PURG: variants seen among roughly 807,000 people sequenced by gnomAD.
PURG encodes the protein purine rich element binding protein G, also known as purine-rich element-binding protein gamma.
A neutral mutation model predicts 24.3 loss-of-function variants in PURG; 3 were observed. The ratio of observed to expected loss-of-function variants is 0.12; its 90% CI spans 0.06 to 0.32. PURG has a LOEUF of 0.32. Among genes scored for constraint, PURG ranks in the 10% least tolerant of loss-of-function variants. PURG has a pLI of 1.00. For missense variants in PURG, 371 were observed against 439.1 expected (o/e 0.84, Z 1.39); for synonymous variants, 180 against 173.1 (o/e 1.04, Z -0.31).
intron 1 of PURG, among the ~76,000 whole-genome samples, chr8:31,020,404 A>G (rs1250611803): frequency 6.6e-6 from 1 of 152,244 alleles, no homozygotes; most frequent in East Asian, 1.9e-4. Flanking sequence ...AATATTTAAT[A>G]GTCATTAAAC....
Position 31,032,665 on chromosome 8 carries a change from G to T in PURG, c.118C>A (p.Pro40Thr). ...GGGGTGGCTGAGGCCGCGTAGTGGGGGTAGTGGGAGTGCTGGGCCTGGGGA... is the reference window on the plus strand; with the variant it reads ...GGGGTGGCTGAGGCCGCGTAGTGGGTGTAGTGGGAGTGCTGGGCCTGGGGA... ...LYPQAQHSHY[P>T]HYAASATPNQ... Residue 40 changes from proline to threonine, a missense_variant, in exon 2 of 2, where the codon CCC becomes ACC. Physicochemically the swap from Pro to Thr is conservative, Grantham distance 38 (BLOSUM62 -1). Coordinates refer to ENST00000523392, the MANE Select transcript of PURG (RefSeq NM_001323311.2). The surrounding 1 kb of genome is among the most constrained non-coding windows in gnomAD (Gnocchi z 5.9). 6.4e-7 allele frequency: 1 copy of T among 1,561,650 alleles called. No individual in the cohort carries two copies. The highest frequency in any genetic ancestry group is 1.4e-5 in the African/African-American group (1 of 73,346).
chr8:31,004,585 T>C (rs181120551), intron 1 of PURG, among the ~76,000 whole-genome samples: 227 of 152,162 alleles, frequency 1.5e-3, no homozygotes, highest in Non-Finnish European at 2.8e-3. Flanking sequence ...GAGAATTGCT[T>C]GAACCAGGGA....
intron 1 of PURG, among the ~76,000 whole-genome samples, chr8:31,013,997 C>A (rs1468031123): frequency 6.6e-6 from 1 of 151,982 alleles, no homozygotes; most frequent in Non-Finnish European, 1.5e-5. Context: ...ATCTTTTCAA[C>A]TCAAGGAGTA....
intron 1 of PURG, among the ~76,000 whole-genome samples, chr8:31,016,810 T>C (rs1810881651): frequency 6.6e-6 from 1 of 152,116 alleles, no homozygotes; most frequent in Non-Finnish European, 1.5e-5. Context: ...ATCACTGGAC[T>C]AAATTTTAAA....
In PURG at chr8:31,032,468, C is replaced by G. The variant is rs1811246642; in HGVS notation, c.315G>C (p.Leu105=). The G allele has an allele frequency of 1.9e-6, 3 of 1,614,092 alleles. No homozygotes were observed. The African/African-American group carries it at 4.0e-5, about 22-fold the overall frequency. Reference sequence around the variant, plus strand: ...CCGCTGCCACAGACAGGGAGAGGGTCAGTTTACTCTTTCTGATGTTGTCCT... The same window carrying G: ...CCGCTGCCACAGACAGGGAGAGGGTGAGTTTACTCTTTCTGATGTTGTCCT... The part of the protein sequence containing the change: ...GRQDNIRKSK[L]TLSLSVAAEL... Residue 105 remains leucine, a synonymous_variant, in exon 2 of 2, where the codon CTG becomes CTC. Transcript: ENST00000523392. The surrounding 1 kb of genome is among the most constrained non-coding windows in gnomAD (Gnocchi z 5.9).
chr8:31,019,833 A>G (rs1036671218), intron 1 of PURG, among the ~76,000 whole-genome samples: 1 of 150,018 alleles, frequency 6.7e-6, no homozygotes, highest in African/African-American at 2.4e-5. Flanking sequence ...GTCTGGCCCA[A>G]TATCTCTAAT....
intron 1 of PURG, 74 bp downstream of exon 1, chr8:31,033,003 CG>C: frequency 5.6e-6 from 1 of 179,132 alleles, no homozygotes; most frequent in Non-Finnish European, 1.1e-5. Flanking sequence ...CCGCCGCCCC[CG>C]GGGCCGCTCC....
chr8:31,019,242 A>G (rs1295622246), intron 1 of PURG, among the ~76,000 whole-genome samples: 4 of 139,728 alleles, frequency 2.9e-5, no homozygotes, highest in Non-Finnish European at 4.6e-5. Flanking sequence ...AATATCTACA[A>G]GGTTGTCAAG....
intron 1 of PURG, among the ~76,000 whole-genome samples, chr8:31,017,504 G>A (rs1810897593): frequency 6.6e-6 from 1 of 151,978 alleles, no homozygotes; most frequent in Non-Finnish European, 1.5e-5. Context: ...ATTTAGAAAT[G>A]TGCAATATAG....
At chr8:31,000,732 A>AT (rs1271675147) in intron 1 of PURG, among the ~76,000 whole-genome samples, 1 of 152,242 alleles carries the variant, frequency 6.6e-6, no homozygotes, top group Non-Finnish European at 1.5e-5. Context: ...AATCTTAGGT[A>AT]TAAGAATGAC....
chr8:31,018,996 C>T (rs1166981604), intron 1 of PURG, among the ~76,000 whole-genome samples: 5 of 148,246 alleles, frequency 3.4e-5, no homozygotes, highest in African/African-American at 4.9e-5. Flanking sequence ...TTGTGGCGGG[C>T]GCCTGTAGTC....
chr8:31,030,189 T>A (rs1273261243), downstream of PURG, among the ~76,000 whole-genome samples: 1 of 152,002 alleles, frequency 6.6e-6, no homozygotes, highest in African/African-American at 2.4e-5. Flanking sequence ...AATTTTAAAT[T>A]ACTTTTAGCA....
chr8:31,012,943 T>A (rs1810791207), intron 1 of PURG, among the ~76,000 whole-genome samples: 1 of 152,270 alleles, frequency 6.6e-6, no homozygotes, highest in South Asian at 2.1e-4. Context: ...GCATTCACGT[T>A]CACTTTATAG....
At chr8:31,015,122 G>A (rs1343591407) in intron 1 of PURG, among the ~76,000 whole-genome samples, 2 of 152,168 alleles carry the variant, frequency 1.3e-5, no homozygotes, top group East Asian at 3.8e-4. Context: ...TTAAAGAAAA[G>A]GTTGAGAAGA....
chr8:31,011,222 G>T (rs1810758369), intron 1 of PURG, among the ~76,000 whole-genome samples: 1 of 152,190 alleles, frequency 6.6e-6, no homozygotes, highest in Non-Finnish European at 1.5e-5. Context: ...GCTAACATGT[G>T]ACATGTATAT....
intron 1 of PURG, among the ~76,000 whole-genome samples, chr8:31,018,229 G>T (rs1474551460): frequency 2.0e-5 from 3 of 152,158 alleles, no homozygotes. Context: ...AATAATATTA[G>T]AAAATTTGAA....
chr8:30,999,471 T>G (rs982343979), intron 1 of PURG, among the ~76,000 whole-genome samples: 12 of 151,876 alleles, frequency 7.9e-5, no homozygotes, highest in African/African-American at 2.2e-4. Flanking sequence ...AAAGAATAGT[T>G]TAAGTTAAAC....
At chr8:31,024,011 G>C (rs920657445) in intron 1 of PURG, among the ~76,000 whole-genome samples, 1 of 152,100 alleles carries the variant, frequency 6.6e-6, no homozygotes, top group African/African-American at 2.4e-5. Flanking sequence ...CAAATAATGA[G>C]ATATTTGATA....
At chr8:30,997,515 A>G (rs55833242) in intron 1 of PURG, among the ~76,000 whole-genome samples, 1 of 151,506 alleles carries the variant, frequency 6.6e-6, no homozygotes, top group Non-Finnish European at 1.5e-5. Flanking sequence ...TTCTGTAATC[A>G]TGTAATGATC....
Sources: gnomAD v4.1 joint callset for allele counts (sites outside exome capture counted in the v4.1 genomes callset) on GRCh38, gnomAD v4.1.1 for gene constraint, Gnocchi (gnomAD v3.1) non-coding constraint, MANE v1.5 for transcripts, NCBI Gene and HGNC (gene_info 2026-07-23, HGNC 2026-07-21) for gene names.